Variants in BRPF1 observed in about 807,000 individuals in gnomAD.
The protein encoded by BRPF1 is bromodomain and PHD finger containing 1.
BRPF1 carries 15 observed loss-of-function variants against 115.0 expected under a neutral mutation model. That is an observed-to-expected ratio of 0.13 (90% CI 0.09 to 0.20). BRPF1 has a LOEUF of 0.20. BRPF1 is among the 10% of genes least tolerant of loss of function. The probability of loss-of-function intolerance (pLI) is 1.00; values close to 1 mark genes in which losing one functional copy is unlikely to be tolerated. For missense variants in BRPF1, 1,118 were observed against 1,638.3 expected, an observed-to-expected ratio of 0.68 and a Z score of 5.48; for synonymous variants, 647 against 619.8, an observed-to-expected ratio of 1.04 and a Z score of -0.65.
intron 5 of BRPF1, among the ~76,000 whole-genome samples, 200 bp from the exon 6 acceptor site, chr3:9,741,825 A>G (rs2077037112): frequency 6.6e-6 from 1 of 152,180 alleles, no homozygotes; most frequent in South Asian, 2.1e-4. Flanking sequence ...TGGTGCTGGT[A>G]GTTCAAGAAA....
At position 9,739,677 on chromosome 3, in the gene BRPF1, G is replaced by A; in HGVS notation, c.1278G>A (p.Val426=). The part of the protein sequence containing the change: ...QAGLYMKMEP[V]RETGANGTSF... Reference sequence around the variant, plus strand: ...GCCTTTACATGAAGATGGAGCCTGTGCGGGAGACAGGCGCCAACGGCACCT... The same window carrying A: ...GCCTTTACATGAAGATGGAGCCTGTACGGGAGACAGGCGCCAACGGCACCT... Residue 426 remains valine (V), a synonymous_variant, in exon 3 of 14, where the codon GTG becomes GTA. Coordinates refer to ENST00000383829, the MANE Select transcript of BRPF1 (RefSeq NM_001003694.2). The A allele has an allele frequency of 1.2e-6, 2 of 1,613,260 alleles. No individual in the cohort carries two copies. Among genetic ancestry groups the A allele is most frequent in the Non-Finnish European group, 1.7e-6 (2 of 1,179,210 alleles).
In BRPF1 at chr3:9,739,751, G is replaced by C; in HGVS notation, c.1352G>C (p.Gly451Ala). The C allele has an allele frequency of 1.2e-6, 2 of 1,614,238 alleles. No homozygotes were observed. Among genetic ancestry groups the C allele is most frequent in the Non-Finnish European group, 1.7e-6 (2 of 1,180,026 alleles). ...TAYCDIHTPP[G>A]SARRLPALSH... Reference sequence around the variant, plus strand: ...TACTGCGACATCCACACGCCTCCAGGTTCAGCACGCCGACTGCCTGCCCTG... The same window carrying C: ...TACTGCGACATCCACACGCCTCCAGCTTCAGCACGCCGACTGCCTGCCCTG... Residue 451 changes from glycine (G) to alanine (A), a missense_variant, in exon 3 of 14, where the codon GGT (glycine) becomes GCT (alanine). Gly to Ala is a moderately conservative substitution (Grantham distance 60, BLOSUM62 0). Coordinates refer to ENST00000383829, the MANE Select transcript of BRPF1 (RefSeq NM_001003694.2).
At position 9,745,456 on chromosome 3, in the gene BRPF1, T is replaced by C. The variant is rs909248588; in HGVS notation, c.3069-117T>C. The C allele has an allele frequency of 2.9e-5, 36 of 1,236,666 alleles. No homozygotes were observed. The African/African-American group carries it at 3.6e-4, about 12-fold the overall frequency. The allele number at this position is 1,236,666 out of a possible 1,614,324, so 76.6% of individuals were successfully genotyped here. ...GTGTTTGAATTTGAAATTCCTCATA[T>C]AGCCTCTGCTTTCCAAAAGTCTCAG... On this transcript the variant is annotated intron_variant, in intron 10 of 13. Coordinates refer to ENST00000383829, the MANE Select transcript of BRPF1 (RefSeq NM_001003694.2). The surrounding 1 kb of genome is among the most constrained non-coding windows in gnomAD (Gnocchi z 5.1).
rs1263335063 is a variant in BRPF1 at position 9,747,802 on chromosome 3, T to C, written c.*453T>C. 1 of 154,258 alleles carries C rather than the reference T, an allele frequency of 6.5e-6. No individual in the cohort carries two copies. Among genetic ancestry groups the C allele is most frequent in the Non-Finnish European group, 1.4e-5 (1 of 69,514 alleles). 9.6% of individuals were successfully genotyped at this position (154,258 alleles called of 1,614,324 possible). ...CCCTCCCCTGCTGTTGTAAATACTG[T>C]AATTATCGGAGAATTTAAATTATTC... On this transcript the variant is annotated 3_prime_UTR_variant, in exon 14 of 14. Coordinates refer to ENST00000383829, the MANE Select transcript of BRPF1 (RefSeq NM_001003694.2). This position sits in a 1 kb window ranked among gnomAD's most constrained non-coding sequence, Gnocchi z 5.6.
At position 9,743,878 on chromosome 3, in the gene BRPF1, G is replaced by C; in HGVS notation, c.2612G>C (p.Ser871Thr). ...CAGACAGATAGTGCGGCAGAGGAGA[G>C]CAGCAGCCAGGAGACAAGCAAAGGT... is the stretch of plus-strand genomic sequence containing the variant. ...DGQTDSAAEESSSQETSKGLG... is the reference protein window; with the variant it reads ...DGQTDSAAEETSSQETSKGLG... Residue 871 changes from serine to threonine, a missense_variant, in exon 8 of 14, where the codon AGC becomes ACC. Physicochemically the swap from Ser to Thr is moderately conservative, Grantham distance 58. This residue lies in a region of BRPF1 where 223 missense variants were observed against 240.7 expected (regional missense o/e 0.93). Transcript: ENST00000383829. This position sits in a 1 kb window ranked among gnomAD's most constrained non-coding sequence, Gnocchi z 6.1. 1.9e-6 allele frequency: 3 copies of C among 1,582,350 alleles called. No individual in the cohort carries two copies. The South Asian group carries it at 3.4e-5, about 18-fold the overall frequency.
In BRPF1 at chr3:9,743,275, C is replaced by A. The variant is rs368835719; in HGVS notation, c.2311+22C>A. On this transcript the variant is annotated intron_variant, in intron 7 of 13. Coordinates refer to ENST00000383829, the MANE Select transcript of BRPF1 (RefSeq NM_001003694.2). This position sits in a 1 kb window ranked among gnomAD's most constrained non-coding sequence, Gnocchi z 6.1. ...GATGGTGGGTGATATATCACACACA[C>A]ATATAAGAGGCCAATGCCGGGGATG... The A allele has an allele frequency of 8.8e-6, 14 of 1,597,592 alleles. No homozygotes were observed. Among genetic ancestry groups the A allele is most frequent in the African/African-American group, 6.7e-5 (5 of 74,504 alleles).
At chr3:9,732,661 G>A (rs1327956451) in intron 1 of BRPF1, 2 of 152,262 alleles carry the variant, frequency 1.3e-5, no homozygotes, top group Admixed American at 6.5e-5. Context: ...TGCTTCGGTT[G>A]GTTTATGTTT....
intron 2 of BRPF1, 109 bp from the exon 3 acceptor site, chr3:9,738,890 C>A: frequency 1.0e-6 from 1 of 975,324 alleles, no homozygotes; most frequent in Non-Finnish European, 1.5e-6. Context: ...TGAGACAACA[C>A]ATCTGAAGGG....
Position 9,745,579 on chromosome 3 carries a change from G to A in BRPF1, c.3075G>A (p.Thr1025=), listed in dbSNP as rs200715753. 1.1e-5 allele frequency: 17 copies of A among 1,614,074 alleles called. No individual in the cohort carries two copies. The highest frequency in any genetic ancestry group is 1.7e-4 in the Middle Eastern group (1 of 6,060). ...CCCATTGTCTTGTCCACAGCACAAC[G>A]CCCTCAAAACAAGGCCGGGGCAAAC... ...SSAASDRTST[T]PSKQGRGKPS... is the part of the protein sequence containing the mutation. Residue 1025 remains threonine, a synonymous_variant, in exon 11 of 14, where the codon ACG becomes ACA. Coordinates refer to ENST00000383829, the MANE Select transcript of BRPF1 (RefSeq NM_001003694.2). This position sits in a 1 kb window ranked among gnomAD's most constrained non-coding sequence, Gnocchi z 5.1.
chr3:9,737,099 T>C (rs1202187565), intron 2 of BRPF1, among the ~76,000 whole-genome samples: 2 of 152,156 alleles, frequency 1.3e-5, no homozygotes, highest in Non-Finnish European at 2.9e-5. Context: ...TGTTCAAAGA[T>C]AGGGAGGTTG....
In BRPF1 at chr3:9,747,527, A is replaced by G. The variant is rs911754265; in HGVS notation, c.*178A>G. On this transcript the variant is annotated 3_prime_UTR_variant, in exon 14 of 14. Coordinates refer to ENST00000383829, the MANE Select transcript of BRPF1 (RefSeq NM_001003694.2). The surrounding 1 kb of genome is among the most constrained non-coding windows in gnomAD (Gnocchi z 5.6). ...TAAGTGCAGCTGGACTGTACAGAACACTCCAAGGGCCAATGGCAGTTCAGC... is the reference window on the plus strand; with the variant it reads ...TAAGTGCAGCTGGACTGTACAGAACGCTCCAAGGGCCAATGGCAGTTCAGC... 1.6e-6 allele frequency: 1 copy of G among 613,888 alleles called. No homozygotes were observed. The highest frequency in any genetic ancestry group is 2.7e-6 in the Non-Finnish European group (1 of 373,460). The allele number at this position is 613,888 out of a possible 1,614,324, so 38.0% of individuals were successfully genotyped here. A position where few individuals can be genotyped will look rare whatever the true frequency, so the allele number is the denominator to read the frequency against.
intron 5 of BRPF1, among the ~76,000 whole-genome samples, chr3:9,741,713 T>C (rs1450419660): frequency 6.6e-6 from 1 of 151,706 alleles, no homozygotes; most frequent in East Asian, 1.9e-4. Flanking sequence ...GGGCTGACGC[T>C]GGAGTCAGGT....
At position 9,747,407 on chromosome 3, in the gene BRPF1, C is replaced by A; in HGVS notation, c.*58C>A. Reference sequence around the variant, plus strand: ...TGTGACTTCTCTCCTCCCCTTTGCTCACTGTCCTGGAGTGGCACCGGCCTC... The same window carrying A: ...TGTGACTTCTCTCCTCCCCTTTGCTAACTGTCCTGGAGTGGCACCGGCCTC... On this transcript the variant is annotated 3_prime_UTR_variant, in exon 14 of 14. Transcript: ENST00000383829. This position sits in a 1 kb window ranked among gnomAD's most constrained non-coding sequence, Gnocchi z 5.6. 6.3e-7 allele frequency: 1 copy of A among 1,584,660 alleles called. No homozygotes were observed.
rs750673721 is a variant in BRPF1, at chr3:9,743,096, C to T, written c.2154C>T (p.Thr718=). ...GCCTCAAGTATAACGCCAAGGACAC[C>T]ATCTTCTACCGGGCAGCAGTGCGGC... ...SNCLKYNAKD[T]IFYRAAVRLR... The change falls in exon 7 of 14, where the codon ACC becomes ACT. Residue 718 remains threonine, a synonymous_variant. Coordinates refer to ENST00000383829, the MANE Select transcript of BRPF1 (RefSeq NM_001003694.2). The surrounding 1 kb of genome is among the most constrained non-coding windows in gnomAD (Gnocchi z 6.1). The T allele has an allele frequency of 6.2e-7, 1 of 1,614,224 alleles. No individual in the cohort carries two copies. Among genetic ancestry groups the T allele is most frequent in the South Asian group, 1.1e-5 (1 of 91,084 alleles).
At chr3:9,736,535 C>G (rs1331342287) in intron 2 of BRPF1, among the ~76,000 whole-genome samples, 3 of 152,204 alleles carry the variant, frequency 2.0e-5, no homozygotes, top group African/African-American at 7.2e-5. Flanking sequence ...CCTCTTTGGA[C>G]TTCCCCTCCC....
At chr3:9,735,607 C>T (rs764990678) in intron 2 of BRPF1, among the ~76,000 whole-genome samples, 1 of 152,154 alleles carries the variant, frequency 6.6e-6, no homozygotes, top group Non-Finnish European at 1.5e-5. Flanking sequence ...GGTAATTCTC[C>T]CACTATTTGT....
In BRPF1 at chr3:9,743,313, A is replaced by G. The variant is rs2077063718; in HGVS notation, c.2311+60A>G. The G allele has an allele frequency of 1.3e-6, 2 of 1,552,796 alleles. No individual in the cohort carries two copies. Among genetic ancestry groups the G allele is most frequent in the African/African-American group, 1.4e-5 (1 of 73,650 alleles). On this transcript the variant is annotated intron_variant, in intron 7 of 13. Coordinates refer to ENST00000383829, the MANE Select transcript of BRPF1 (RefSeq NM_001003694.2). This position sits in a 1 kb window ranked among gnomAD's most constrained non-coding sequence, Gnocchi z 6.1. ...AATGCCGGGGATGGACAGCTTTCCAAAAGTCCCCTCCTGGGAGCAGGCAGT... is the reference window on the plus strand; with the variant it reads ...AATGCCGGGGATGGACAGCTTTCCAGAAGTCCCCTCCTGGGAGCAGGCAGT...
rs750882131 is a variant in BRPF1, at chr3:9,745,617, G to T, written c.3113G>T (p.Arg1038Leu). 2 of 1,614,136 alleles carry T rather than the reference G, an allele frequency of 1.2e-6. No individual in the cohort carries two copies. Among genetic ancestry groups the T allele is most frequent in the Non-Finnish European group, 1.7e-6 (2 of 1,180,000 alleles). ...GGCCGGGGCAAACCCTCCTTCTCTC[G>T]GGGCACTTTCCCAGAGGACAGCAGT... Reference protein sequence around the residue: ...KQGRGKPSFSRGTFPEDSSED... With the variant: ...KQGRGKPSFSLGTFPEDSSED... Residue 1038 changes from arginine to leucine, a missense_variant, in exon 11 of 14, where the codon CGG (arginine) becomes CTG (leucine). By Grantham distance (102) the Arg-to-Leu change is moderately radical. Transcript: ENST00000383829. The surrounding 1 kb of genome is among the most constrained non-coding windows in gnomAD (Gnocchi z 5.1).
rs747783020 is a variant in BRPF1, at chr3:9,739,987, T to G, written c.1559+29T>G. 27 of 1,530,050 alleles carry G rather than the reference T, an allele frequency of 1.8e-5. No homozygotes were observed. The South Asian group carries it at 2.7e-4, about 16-fold the overall frequency. The allele number at this position is 1,530,050 out of a possible 1,614,324, so 94.8% of individuals were successfully genotyped here. ...TGTGGGGAGCCGGTGGACAGGCAGA[T>G]GAGGGAGAAAGGAGCCTCCAGGAGA... On this transcript the variant is annotated intron_variant, in intron 3 of 13. Coordinates refer to ENST00000383829, the MANE Select transcript of BRPF1 (RefSeq NM_001003694.2).
Sources: allele counts gnomAD v4.1 joint callset (sites outside exome capture counted in the v4.1 genomes callset), GRCh38; gene constraint gnomAD v4.1.1; regional missense constraint gnomAD v4.1.1; non-coding constraint Gnocchi (gnomAD v3.1); transcripts MANE v1.5; gene names NCBI Gene and HGNC (gene_info 2026-07-23, HGNC 2026-07-21).